The following SMIM14 variants were observed in gnomAD, a reference collection of about 807,000 sequenced individuals.
The protein encoded by SMIM14 is small integral membrane protein 14, also known as chromosome 4 open reading frame 34.
SMIM14 carries 5 observed loss-of-function variants against 12.6 expected under a neutral mutation model. That is an observed-to-expected ratio of 0.40 (90% CI 0.21 to 0.83). The LOEUF (loss-of-function observed/expected upper bound fraction) is 0.83, where lower values mean the gene tolerates loss of function less well. SMIM14 is among the 40% of genes least tolerant of loss of function. The pLI is 0.37. For missense variants in SMIM14, 86 were observed against 119.1 expected, an observed-to-expected ratio of 0.72 and a Z score of 1.29; for synonymous variants, 30 against 40.1, an observed-to-expected ratio of 0.75 and a Z score of 0.95.
chr4:39,621,682 GTTTCTTT>G (rs1331550027), intron 1 of SMIM14, among the ~76,000 whole-genome samples: 11 of 116,978 alleles, frequency 9.4e-5, no homozygotes, highest in Non-Finnish European at 1.2e-4. Context: ...ACAGCCAAAC[GTTTCTTT>G]TTTTTTTTTT....
At chr4:39,577,448 G>C (rs1044020005) in intron 2 of SMIM14, among the ~76,000 whole-genome samples, 1 of 141,608 alleles carries the variant, frequency 7.1e-6, no homozygotes, top group African/African-American at 2.6e-5. Context: ...TTTTTTTTGA[G>C]ACGGAGTCTG....
chr4:39,579,102 G>T (rs67176541), intron 2 of SMIM14, among the ~76,000 whole-genome samples: 23,297 of 151,520 alleles, frequency 0.15, 2,218 homozygotes, highest in South Asian at 0.32. Flanking sequence ...AGAGGCAGAA[G>T]AAAAAGAGAT....
In SMIM14 at chr4:39,606,670, T is replaced by G. The variant is rs181371216; in HGVS notation, c.-35-1490A>C. ...AAAAAAAAAAAAAAGACATTGAACATGAGGCTACAAAGAATAGTGACACCT... is the reference window on the plus strand; with the variant it reads ...AAAAAAAAAAAAAAGACATTGAACAGGAGGCTACAAAGAATAGTGACACCT... On this transcript the variant is annotated intron_variant, in intron 1 of 4. Coordinates refer to ENST00000295958, the MANE Select transcript of SMIM14 (RefSeq NM_174921.3). Among the ~76,000 whole-genome samples, 75 of 147,432 alleles carry G rather than the reference T, an allele frequency of 5.1e-4. No homozygotes were observed. In the East Asian group the frequency reaches 0.012, roughly 23 times the overall value.
intron 1 of SMIM14, among the ~76,000 whole-genome samples, chr4:39,625,674 C>A (rs1578368697): frequency 6.6e-6 from 1 of 152,308 alleles, no homozygotes; most frequent in East Asian, 1.9e-4. Flanking sequence ...CTCCTGACCT[C>A]TGGTGATCAG....
At chr4:39,600,852 CAG>C (rs1365021531) in intron 2 of SMIM14, among the ~76,000 whole-genome samples, 4 of 151,972 alleles carry the variant, frequency 2.6e-5, no homozygotes, top group Non-Finnish European at 5.9e-5. Flanking sequence ...GTCTGGGTGA[CAG>C]AGGGAGACTC....
In SMIM14 at chr4:39,624,346, G is replaced by A. The variant is rs537400817; in HGVS notation, c.-36+14393C>T. 3.1e-4 allele frequency among the ~76,000 whole-genome samples: 47 copies of A among 152,140 alleles called. No individual in the cohort carries two copies. The South Asian group carries it at 9.5e-3, about 31-fold the overall frequency. Reference sequence around the variant, plus strand: ...GAGGAACATAGCCCCAGCTAAGGTAGTAATTTCACTATGATCGCACATCTA... The same window carrying A: ...GAGGAACATAGCCCCAGCTAAGGTAATAATTTCACTATGATCGCACATCTA... On this transcript the variant is annotated intron_variant, in intron 1 of 4. Coordinates refer to ENST00000295958, the MANE Select transcript of SMIM14 (RefSeq NM_174921.3).
At chr4:39,611,202 G>A (rs376558737) in intron 1 of SMIM14, among the ~76,000 whole-genome samples, 7 of 152,254 alleles carry the variant, frequency 4.6e-5, no homozygotes, top group Admixed American at 2.0e-4. Flanking sequence ...CCTATCAGGA[G>A]ATTGGTAAAA....
intron 1 of SMIM14, among the ~76,000 whole-genome samples, chr4:39,625,566 G>A (rs984936168): frequency 1.8e-4 from 28 of 151,836 alleles, no homozygotes; most frequent in African/African-American, 6.1e-4. Flanking sequence ...TTAATCTCTC[G>A]AGTAATTGGC....
chr4:39,623,957 AAAAG>A (rs1328627263), intron 1 of SMIM14, among the ~76,000 whole-genome samples: 2 of 152,226 alleles, frequency 1.3e-5, no homozygotes, highest in Non-Finnish European at 2.9e-5. Context: ...TGGTCAGTAA[AAAAG>A]AAAGTTTAAA....
At chr4:39,631,488 C>T (rs1354837442) in intron 1 of SMIM14, among the ~76,000 whole-genome samples, 3 of 151,156 alleles carry the variant, frequency 2.0e-5, no homozygotes, top group African/African-American at 7.3e-5. Flanking sequence ...GAAACTCCGT[C>T]TCTACTAAAA....
chr4:39,634,144 G>T (rs1716007182), intron 1 of SMIM14, among the ~76,000 whole-genome samples: 1 of 152,148 alleles, frequency 6.6e-6, no homozygotes, highest in Non-Finnish European at 1.5e-5. Flanking sequence ...GGTCAGGATG[G>T]TCTCAATCTC....
chr4:39,614,076 C>T (rs1036508168), intron 1 of SMIM14, among the ~76,000 whole-genome samples: 3 of 151,100 alleles, frequency 2.0e-5, no homozygotes, highest in African/African-American at 7.3e-5. Flanking sequence ...GGCTGTAATC[C>T]CAGCTGCTTG....
chr4:39,588,542 C>G (rs1274669634), intron 2 of SMIM14, among the ~76,000 whole-genome samples: 1 of 152,100 alleles, frequency 6.6e-6, no homozygotes, highest in Non-Finnish European at 1.5e-5. Flanking sequence ...AAGTAGTCCA[C>G]TGAAATTTCC....
intron 2 of SMIM14, among the ~76,000 whole-genome samples, chr4:39,590,258 A>G (rs1318070688): frequency 1.3e-5 from 2 of 151,770 alleles, no homozygotes; most frequent in African/African-American, 4.8e-5. Flanking sequence ...TACTAAAAAT[A>G]CAAAATTAGC....
intron 1 of SMIM14, among the ~76,000 whole-genome samples, chr4:39,626,955 A>C (rs1158466245): frequency 1.3e-5 from 2 of 152,164 alleles, no homozygotes; most frequent in Non-Finnish European, 2.9e-5. Flanking sequence ...GGGATGCTTA[A>C]ACAAAATAAC....
intron 2 of SMIM14, among the ~76,000 whole-genome samples, chr4:39,589,398 T>A (rs1713944780): frequency 6.6e-6 from 1 of 152,126 alleles, no homozygotes; most frequent in African/African-American, 2.4e-5. Context: ...AGAAACAAAT[T>A]TCAGTGAAGA....
chr4:39,587,271 T>C (rs781349934), intron 2 of SMIM14, among the ~76,000 whole-genome samples: 35 of 150,302 alleles, frequency 2.3e-4, no homozygotes, highest in Admixed American at 4.7e-4. Context: ...CCGAGGTGGG[T>C]GGATCACGAG....
At chr4:39,559,961 T>TA (rs149288205) in intron 3 of SMIM14, among the ~76,000 whole-genome samples, 48,812 of 144,880 alleles carry the variant, frequency 0.34, 9,868 homozygotes, top group African/African-American at 0.54. Context: ...TACAAAAAAT[T>TA]AAAAAAAAAA....
In SMIM14 at chr4:39,550,696, C is replaced by T. The variant is rs1043592165; in HGVS notation, c.*1430G>A. Reference sequence around the variant, plus strand: ...ATTTCTCTCATATTAACATTCCTTCCTACCCCAATCCATCCCATCACCAAA... The same window carrying T: ...ATTTCTCTCATATTAACATTCCTTCTTACCCCAATCCATCCCATCACCAAA... On this transcript the variant is annotated 3_prime_UTR_variant, in exon 5 of 5. Coordinates refer to ENST00000295958, the MANE Select transcript of SMIM14 (RefSeq NM_174921.3). 1.3e-5 allele frequency: 2 copies of T among 151,934 alleles called. No individual in the cohort carries two copies. The highest frequency in any genetic ancestry group is 4.8e-5 in the African/African-American group (2 of 41,384). 9.4% of individuals were successfully genotyped at this position (151,934 alleles called of 1,614,324 possible).
Sources: gnomAD v4.1 joint callset for allele counts (sites outside exome capture counted in the v4.1 genomes callset) on GRCh38, gnomAD v4.1.1 for gene constraint, MANE v1.5 for transcripts, NCBI Gene and HGNC (gene_info 2026-07-23, HGNC 2026-07-21) for gene names.